Variants in OCA2 observed in about 807,000 individuals in gnomAD.
OCA2 encodes the protein OCA2 melanosomal transmembrane protein, also known as P protein.
In OCA2, 77 loss-of-function variants were observed where a neutral mutation model predicts 100.2. The ratio of observed to expected loss-of-function variants is 0.77; its 90% CI spans 0.64 to 0.93. The LOEUF is 0.93. Ranked by LOEUF, OCA2 falls within the 40% of genes least tolerant of loss-of-function variation. OCA2 has a pLI of 0.00. For synonymous variants in OCA2, 432 were observed against 439.2 expected, an observed-to-expected ratio of 0.98 and a Z score of 0.21; for missense variants, 1,062 against 1,089.1, an observed-to-expected ratio of 0.98 and a Z score of 0.35.
chr15:27,807,039 G>C (rs578180547), intron 23 of OCA2, among the ~76,000 whole-genome samples: 1 of 152,098 alleles, frequency 6.6e-6, no homozygotes. Context: ...GCTCTGGACC[G>C]ACCGGCCCTG....
At chr15:27,981,695 T>C (rs1040381787) in intron 14 of OCA2, among the ~76,000 whole-genome samples, 7 of 152,224 alleles carry the variant, frequency 4.6e-5, no homozygotes, top group Non-Finnish European at 8.8e-5. Context: ...CCCTCTCATC[T>C]TTCTGGGTTG....
At chr15:28,088,649 G>A (rs774943925) in intron 1 of OCA2, among the ~76,000 whole-genome samples, 10 of 152,162 alleles carry the variant, frequency 6.6e-5, no homozygotes, top group African/African-American at 9.7e-5. Context: ...GGTAGGTTCC[G>A]TGATGCCCCC....
intron 23 of OCA2, among the ~76,000 whole-genome samples, chr15:27,756,250 G>A (rs2030358490): frequency 6.6e-6 from 1 of 152,202 alleles, no homozygotes; most frequent in Non-Finnish European, 1.5e-5. Flanking sequence ...TTAAGTTTTA[G>A]CAGTAAGAGC....
chr15:27,968,962 T>A (rs897902587), intron 14 of OCA2, among the ~76,000 whole-genome samples: 1 of 150,714 alleles, frequency 6.6e-6, no homozygotes, highest in African/African-American at 2.5e-5. Flanking sequence ...ATGAAACTGT[T>A]TTAAATTCTT....
At chr15:27,875,369 A>G (rs1243443901) in intron 19 of OCA2, among the ~76,000 whole-genome samples, 2 of 152,154 alleles carry the variant, frequency 1.3e-5, no homozygotes, top group East Asian at 1.9e-4. Flanking sequence ...CCCTTAATCT[A>G]TATCTATCTT....
intron 23 of OCA2, among the ~76,000 whole-genome samples, chr15:27,764,756 A>G (rs1023006072): frequency 2.0e-5 from 3 of 152,240 alleles, no homozygotes; most frequent in Admixed American, 2.0e-4. Flanking sequence ...TGAAGGAGTT[A>G]CAGGAAAGGG....
intron 8 of OCA2, among the ~76,000 whole-genome samples, chr15:28,015,161 C>T (rs1306653742): frequency 6.6e-6 from 1 of 152,144 alleles, no homozygotes; most frequent in East Asian, 1.9e-4. Flanking sequence ...TGTGACACCA[C>T]CCGACAATGA....
At chr15:27,800,424 A>G (rs1328225133) in intron 23 of OCA2, among the ~76,000 whole-genome samples, 2 of 152,252 alleles carry the variant, frequency 1.3e-5, no homozygotes, top group African/African-American at 4.8e-5. Flanking sequence ...GAAAATGAAT[A>G]AAATTGATAA....
intron 21 of OCA2, among the ~76,000 whole-genome samples, chr15:27,855,980 G>C (rs2035934061): frequency 6.6e-6 from 1 of 152,174 alleles, no homozygotes; most frequent in Non-Finnish European, 1.5e-5. Context: ...TTGCCGCACG[G>C]CTCTGAAGGC....
At chr15:27,970,858 T>C (rs1413925660) in intron 14 of OCA2, among the ~76,000 whole-genome samples, 1 of 108,874 alleles carries the variant, frequency 9.2e-6, no homozygotes, top group African/African-American at 3.7e-5. Context: ...CCTGCACACA[T>C]GGGATGGTGG....
chr15:28,022,602 G>C (rs776752013), intron 5 of OCA2, 29 bp from the exon 6 acceptor site: 1 of 1,550,136 alleles, frequency 6.5e-7, no homozygotes, highest in Non-Finnish European at 8.9e-7. Context: ...TTGAATGACA[G>C]AGGTGTGGTA....
At chr15:27,794,752 C>T (rs1023651277) in intron 23 of OCA2, among the ~76,000 whole-genome samples, 2 of 151,978 alleles carry the variant, frequency 1.3e-5, no homozygotes, top group African/African-American at 2.4e-5. Flanking sequence ...GGTGCATTCT[C>T]GTTGGAATGC....
chr15:28,047,803 G>A (rs2043389197), intron 2 of OCA2, among the ~76,000 whole-genome samples: 2 of 152,182 alleles, frequency 1.3e-5, no homozygotes, highest in African/African-American at 4.8e-5. Context: ...AAGACATCCA[G>A]ATGGGGAAGG....
At position 27,755,334 on chromosome 15, in the gene OCA2, T is replaced by G; in HGVS notation, c.*54A>C. 3.0e-6 allele frequency: 4 copies of G among 1,343,096 alleles called. No individual in the cohort carries two copies. In the Admixed American group the frequency reaches 6.7e-5, roughly 23 times the overall value. The allele number at this position is 1,343,096 out of a possible 1,614,324, so 83.2% of individuals were successfully genotyped here. A position where few individuals can be genotyped will look rare whatever the true frequency, so the allele number is the denominator to read the frequency against. On this transcript the variant is annotated 3_prime_UTR_variant, in exon 24 of 24. Transcript: ENST00000354638. The stretch of plus-strand genomic sequence containing the variant: ...GGGGTCAGGGTAGTTTTATGACTAA[T>G]GGGTTGTGATGGATGAAGTTTCCTT...
At chr15:27,909,562 T>C (rs2038306891) in intron 19 of OCA2, among the ~76,000 whole-genome samples, 1 of 152,112 alleles carries the variant, frequency 6.6e-6, no homozygotes, top group Admixed American at 6.5e-5. Flanking sequence ...CAAATAGACA[T>C]GTAATATAAT....
chr15:27,761,154 T>G (rs1375714393), intron 23 of OCA2, among the ~76,000 whole-genome samples: 4 of 151,782 alleles, frequency 2.6e-5, no homozygotes, highest in African/African-American at 9.7e-5. Flanking sequence ...GCAGATGACA[T>G]GATAGCTTAC....
chr15:27,721,999 A>T, the OCA2 span, among the ~76,000 whole-genome samples: 3 of 152,224 alleles, frequency 2.0e-5, no homozygotes, highest in African/African-American at 7.2e-5. Flanking sequence ...TATCTATTGC[A>T]AGATCTGTGC....
intron 21 of OCA2, among the ~76,000 whole-genome samples, chr15:27,853,538 C>G (rs1386330177): frequency 6.9e-6 from 1 of 145,828 alleles, no homozygotes; most frequent in Non-Finnish European, 1.5e-5. Context: ...CTAACCTGCA[C>G]AATGTGCACA....
intron 18 of OCA2, among the ~76,000 whole-genome samples, chr15:27,950,146 G>T (rs549518706): frequency 3.3e-5 from 5 of 152,148 alleles, no homozygotes; most frequent in Non-Finnish European, 7.3e-5. Flanking sequence ...AAAGACTGTT[G>T]CCAAATGTTA....
Sources: gnomAD v4.1 joint callset for allele counts (sites outside exome capture counted in the v4.1 genomes callset) on GRCh38, gnomAD v4.1.1 for gene constraint, MANE v1.5 for transcripts, NCBI Gene and HGNC (gene_info 2026-07-23, HGNC 2026-07-21) for gene names.